The following PRKCE variants were observed in gnomAD, a reference collection of about 807,000 sequenced individuals.
PRKCE encodes the protein protein kinase C epsilon.
PRKCE carries 16 observed loss-of-function variants against 85.4 expected under a neutral mutation model. The observed-to-expected ratio is 0.19, with a 90% CI of 0.13 to 0.28. The LOEUF (loss-of-function observed/expected upper bound fraction) is 0.28, where lower values mean the gene tolerates loss of function less well. Among genes scored for constraint, PRKCE ranks in the 10% least tolerant of loss-of-function variants. The pLI is 1.00. For missense variants in PRKCE, 573 were observed against 975.2 expected, an observed-to-expected ratio of 0.59 and a Z score of 5.49; for synonymous variants, 388 against 371.5, an observed-to-expected ratio of 1.04 and a Z score of -0.51.
At chr2:45,879,458 C>G (rs889071438) in intron 2 of PRKCE, among the ~76,000 whole-genome samples, 2 of 152,178 alleles carry the variant, frequency 1.3e-5, no homozygotes, top group African/African-American at 4.8e-5. Context: ...GACCGTCTCC[C>G]CTTGCAAAAA....
chr2:45,846,273 T>C (rs1691781002), intron 2 of PRKCE, among the ~76,000 whole-genome samples: 2 of 152,198 alleles, frequency 1.3e-5, no homozygotes, highest in South Asian at 4.1e-4. Flanking sequence ...ATGATGTAAT[T>C]TGCATATTAT....
intron 6 of PRKCE, among the ~76,000 whole-genome samples, chr2:45,987,028 C>G (rs1413838937): frequency 8.6e-6 from 1 of 116,736 alleles, no homozygotes; most frequent in Non-Finnish European, 1.8e-5. Flanking sequence ...GAGCTGATGT[C>G]TGTTTTTTTT....
chr2:46,114,949 A>G (rs1672627061), intron 11 of PRKCE, among the ~76,000 whole-genome samples: 1 of 152,176 alleles, frequency 6.6e-6, no homozygotes, highest in Non-Finnish European at 1.5e-5. Context: ...TCTTATGATT[A>G]TGTATTCTAG....
At chr2:45,985,162 AT>A (rs1703210665) in intron 6 of PRKCE, among the ~76,000 whole-genome samples, 1 of 152,094 alleles carries the variant, frequency 6.6e-6, no homozygotes, top group African/African-American at 2.4e-5. Flanking sequence ...GACATAGGGG[AT>A]ATTATTCCCA....
intron 10 of PRKCE, among the ~76,000 whole-genome samples, chr2:46,056,668 A>G (rs1666611188): frequency 6.6e-6 from 1 of 152,214 alleles, no homozygotes; most frequent in African/African-American, 2.4e-5. Flanking sequence ...CTATCTAAAA[A>G]TATGTGTTGG....
chr2:45,965,087 CT>C (rs1701644888), intron 2 of PRKCE, among the ~76,000 whole-genome samples: 1 of 152,344 alleles, frequency 6.6e-6, no homozygotes, highest in African/African-American at 2.4e-5. Context: ...CAAACCTCTC[CT>C]CTCAGACGTT....
chr2:45,951,703 A>G lies in PRKCE; in HGVS notation c.413-24726A>G, dbSNP rs114069306. Among the ~76,000 whole-genome samples the G allele has an allele frequency of 9.6e-3, 1,460 of 152,364 alleles. 22 individuals are homozygous for G. The highest frequency in any genetic ancestry group is 0.033 in the African/African-American group (1,369 of 41,588). On this transcript the variant is annotated intron_variant, in intron 2 of 14. Transcript: ENST00000306156. ...TGAGCACTTTTGTACACAACCACAT[A>G]CAATGAGTCTGGTTCTTCCACACCT...
At chr2:45,812,435 G>A (rs1376022574) in intron 1 of PRKCE, among the ~76,000 whole-genome samples, 1 of 152,172 alleles carries the variant, frequency 6.6e-6, no homozygotes, top group Admixed American at 6.5e-5. Context: ...CAAGCCCTGT[G>A]CAGGGGATCC....
chr2:46,105,825 G>T (rs1671662008), intron 11 of PRKCE, among the ~76,000 whole-genome samples: 1 of 152,184 alleles, frequency 6.6e-6, no homozygotes, highest in South Asian at 2.1e-4. Flanking sequence ...AATACAGTAT[G>T]CAGTACAGTT....
At chr2:45,844,970 A>G (rs1433338168) in intron 2 of PRKCE, among the ~76,000 whole-genome samples, 2 of 152,204 alleles carry the variant, frequency 1.3e-5, no homozygotes, top group Non-Finnish European at 2.9e-5. Context: ...TCATCTAAAG[A>G]AAATAGAGTT....
At chr2:46,149,879 T>C (rs1050732854) in intron 12 of PRKCE, among the ~76,000 whole-genome samples, 64 of 149,290 alleles carry the variant, frequency 4.3e-4, no homozygotes, top group African/African-American at 1.5e-3. Flanking sequence ...TTTTTTGAGA[T>C]AGGGTCTCAC....
At chr2:45,750,631 A>C (rs1190410650) in intron 1 of PRKCE, among the ~76,000 whole-genome samples, 1 of 152,192 alleles carries the variant, frequency 6.6e-6, no homozygotes, top group Admixed American at 6.5e-5. Context: ...TTGTTTTTGA[A>C]CTTGGGCAAA....
intron 2 of PRKCE, among the ~76,000 whole-genome samples, chr2:45,947,076 T>A (rs983670963): frequency 2.6e-5 from 4 of 152,232 alleles, no homozygotes; most frequent in African/African-American, 7.2e-5. Context: ...GTGTTTATTG[T>A]TATTGCAAAA....
At chr2:45,946,960 A>G (rs1031323679) in intron 2 of PRKCE, among the ~76,000 whole-genome samples, 1 of 152,232 alleles carries the variant, frequency 6.6e-6, no homozygotes, top group Non-Finnish European at 1.5e-5. Context: ...CAGTAGACCT[A>G]GACTCTATGA....
chr2:45,937,337 A>T (rs985346762), intron 2 of PRKCE, among the ~76,000 whole-genome samples: 1 of 152,194 alleles, frequency 6.6e-6, no homozygotes, highest in Non-Finnish European at 1.5e-5. Context: ...TCTCCTTCTG[A>T]GGGTGACCTG....
chr2:45,730,013 G>T (rs759446080), intron 1 of PRKCE, among the ~76,000 whole-genome samples: 1 of 152,212 alleles, frequency 6.6e-6, no homozygotes, highest in African/African-American at 2.4e-5. Flanking sequence ...TGACAAGAAT[G>T]GATGTTTTGA....
intron 1 of PRKCE, among the ~76,000 whole-genome samples, chr2:45,793,275 A>C (rs1235984272): frequency 6.6e-6 from 1 of 152,180 alleles, no homozygotes. Context: ...CCAATCCCCC[A>C]ATTTCTCCAT....
At chr2:46,127,128 A>G (rs13389222) in intron 11 of PRKCE, among the ~76,000 whole-genome samples, 9 of 152,190 alleles carry the variant, frequency 5.9e-5, no homozygotes, top group Non-Finnish European at 1.2e-4. Context: ...GGGGAATTCT[A>G]GATGCTTCAG....
At chr2:46,045,844 T>C (rs971121975) in intron 10 of PRKCE, among the ~76,000 whole-genome samples, 1 of 151,864 alleles carries the variant, frequency 6.6e-6, no homozygotes, top group Admixed American at 6.6e-5. Context: ...ATCATACCAC[T>C]GCACTCCAGC....
Sources: gnomAD v4.1 joint callset for allele counts (sites outside exome capture counted in the v4.1 genomes callset) on GRCh38, gnomAD v4.1.1 for gene constraint, MANE v1.5 for transcripts, NCBI Gene and HGNC (gene_info 2026-07-23, HGNC 2026-07-21) for gene names.